Variants in PSORS1C1 observed in about 807,000 individuals in gnomAD.
The protein encoded by PSORS1C1 is psoriasis susceptibility 1 candidate gene 1 protein.
PSORS1C1 carries 7 observed loss-of-function variants against 9.4 expected under a neutral mutation model. That is an observed-to-expected ratio of 0.75 (90% CI 0.42 to 1.40). PSORS1C1 has a LOEUF of 1.40. Ranked by LOEUF, PSORS1C1 falls within the 40% of genes most tolerant of loss-of-function variation. The pLI is 0.01. For synonymous variants in PSORS1C1, 63 were observed against 69.4 expected (o/e 0.91, Z 0.46); for missense variants, 146 against 178.1 (o/e 0.82, Z 1.02).
At chr6:31,125,076 C>T (rs755988687) in intron 1 of PSORS1C1, among the ~76,000 whole-genome samples, 15 of 152,170 alleles carry the variant, frequency 9.9e-5, no homozygotes, top group Non-Finnish European at 2.1e-4. Context: ...AGTTCTAGCA[C>T]AAGTGTTTCA....
At chr6:31,120,473 T>G in intron 1 of PSORS1C1, 1 of 1,412,708 alleles carries the variant, frequency 7.1e-7, no homozygotes, top group Non-Finnish European at 9.8e-7. Context: ...CCGGGTCCTT[T>G]ATGCCAGAGC....
chr6:31,121,178 G>GGC (rs1475568927), intron 1 of PSORS1C1, among the ~76,000 whole-genome samples: 1 of 151,890 alleles, frequency 6.6e-6, no homozygotes, highest in Admixed American at 6.6e-5. Flanking sequence ...GGGGGTGGGG[G>GGC]GGTGCTGGGA....
intron 2 of PSORS1C1, among the ~76,000 whole-genome samples, chr6:31,127,848 C>T (rs553353282): frequency 2.0e-5 from 3 of 152,050 alleles, no homozygotes; most frequent in Admixed American, 6.6e-5. Flanking sequence ...CGTTTGGGAC[C>T]ATCCCTATTT....
intron 1 of PSORS1C1, chr6:31,117,519 A>T (rs1341595111): frequency 1.3e-5 from 20 of 1,550,494 alleles, no homozygotes; most frequent in Non-Finnish European, 1.6e-5. Flanking sequence ...CAATGCTCTT[A>T]GCCAAGGTCC....
chr6:31,117,128 A>G, intron 1 of PSORS1C1: 1 of 1,613,726 alleles, frequency 6.2e-7, no homozygotes, highest in Non-Finnish European at 8.5e-7. Flanking sequence ...CTGCTGCTGA[A>G]CTGAAAGCTG....
At chr6:31,134,252 A>C (rs933247478) in intron 3 of PSORS1C1, among the ~76,000 whole-genome samples, 4 of 151,652 alleles carry the variant, frequency 2.6e-5, no homozygotes, top group Admixed American at 6.6e-5. Flanking sequence ...AAGTGCTAGG[A>C]TTACAGGTGT....
rs117764398 is a variant in PSORS1C1, at chr6:31,116,946, G to A, written c.-229+2055G>A. 2,589 of 1,614,168 alleles carry A rather than the reference G, an allele frequency of 1.6e-3. 75 individuals carry two copies. The East Asian group carries it at 0.041, about 26-fold the overall frequency. On this transcript the variant is annotated intron_variant, in intron 1 of 5. Transcript: ENST00000259881. ...TGGGCCCTCCACTGCAGGGAGAGTCGGGGATGTCCGAACTACAGGGACGCT... is the reference window on the plus strand; with the variant it reads ...TGGGCCCTCCACTGCAGGGAGAGTCAGGGATGTCCGAACTACAGGGACGCT...
chr6:31,126,820 A>G (rs1364322996), intron 2 of PSORS1C1, among the ~76,000 whole-genome samples: 1 of 151,958 alleles, frequency 6.6e-6, no homozygotes, highest in Non-Finnish European at 1.5e-5. Context: ...ACTTCCCAAA[A>G]GCAGCAGGGA....
At position 31,115,826 on chromosome 6, in the gene PSORS1C1, C is replaced by T. The variant is rs1490627025; in HGVS notation, c.-229+935C>T. 5 of 586,974 alleles carry T rather than the reference C, an allele frequency of 8.5e-6. No individual in the cohort carries two copies. The highest frequency in any genetic ancestry group is 4.5e-4 in the Middle Eastern group (1 of 2,200). 36.4% of individuals were successfully genotyped at this position (586,974 alleles called of 1,614,324 possible). ...AATCAAGAGAGGAGCTTTGAATCTA[C>T]CATTTTGAGAAGAGGAAGGAGGAAG... On this transcript the variant is annotated intron_variant, in intron 1 of 5. Coordinates refer to ENST00000259881, the MANE Select transcript of PSORS1C1 (RefSeq NM_014068.3). The surrounding 1 kb of genome is among the most constrained non-coding windows in gnomAD (Gnocchi z 4.2).
At chr6:31,137,641 C>T (rs1474931104) in intron 3 of PSORS1C1, 6 of 345,436 alleles carry the variant, frequency 1.7e-5, no homozygotes, top group Non-Finnish European at 3.1e-5. Context: ...GTACCATAGC[C>T]CTGCCCCAGC....
rs777803097 is a variant in PSORS1C1 at position 31,116,261 on chromosome 6, A to G, written c.-229+1370A>G. The G allele has an allele frequency of 5.6e-6, 9 of 1,613,952 alleles. No individual in the cohort carries two copies. In the South Asian group the frequency reaches 9.9e-5, roughly 18 times the overall value. The stretch of plus-strand genomic sequence containing the variant: ...ATGCAAGGGTGACCAGAAGAGCTGG[A>G]CTTGCTGCCACAAGGCTGAAGGATG... On this transcript the variant is annotated intron_variant, in intron 1 of 5. Coordinates refer to ENST00000259881, the MANE Select transcript of PSORS1C1 (RefSeq NM_014068.3).
chr6:31,123,550 C>T (rs567902284), intron 1 of PSORS1C1, among the ~76,000 whole-genome samples: 3 of 152,212 alleles, frequency 2.0e-5, no homozygotes, highest in Admixed American at 6.5e-5. Flanking sequence ...TGCCCCTGCC[C>T]GTGCCCGTGC....
At chr6:31,117,371 T>C (rs1348087411) in intron 1 of PSORS1C1, 1 of 1,575,246 alleles carries the variant, frequency 6.3e-7, no homozygotes. Flanking sequence ...CCAGAGCTTC[T>C]GGCACTGGAA....
At chr6:31,133,045 G>T (rs1021065422) in intron 3 of PSORS1C1, among the ~76,000 whole-genome samples, 5 of 151,974 alleles carry the variant, frequency 3.3e-5, no homozygotes, top group African/African-American at 7.3e-5. Context: ...ATGTGGGAGA[G>T]AAAAATTTCC....
At chr6:31,116,726 C>T (rs1238875914) in intron 1 of PSORS1C1, 1 of 1,612,880 alleles carries the variant, frequency 6.2e-7, no homozygotes, top group South Asian at 1.1e-5. Flanking sequence ...CCCACCACCT[C>T]GTAGCCACCA....
Position 31,129,822 on chromosome 6 carries a change from C to T in PSORS1C1, c.13+177C>T, listed in dbSNP as rs994712874. Among the ~76,000 whole-genome samples the T allele has an allele frequency of 4.9e-4, 74 of 152,182 alleles. 1 individual carries two copies. Reference sequence around the variant, plus strand: ...TCCAAGGAAATAAAGGCATGGAAACCCACATAGTGCTGTGGAATTAAAGAA... The same window carrying T: ...TCCAAGGAAATAAAGGCATGGAAACTCACATAGTGCTGTGGAATTAAAGAA... On this transcript the variant is annotated intron_variant, in intron 3 of 5. Coordinates refer to ENST00000259881, the MANE Select transcript of PSORS1C1 (RefSeq NM_014068.3).
At chr6:31,122,974 G>A (rs3823405) in intron 1 of PSORS1C1, among the ~76,000 whole-genome samples, 3,844 of 152,162 alleles carry the variant, frequency 0.025, 126 homozygotes, top group African/African-American at 0.074. Flanking sequence ...AGAAGGCAGC[G>A]GAACAGTGGA....
At chr6:31,135,800 G>T (rs1773112432) in intron 3 of PSORS1C1, among the ~76,000 whole-genome samples, 1 of 152,182 alleles carries the variant, frequency 6.6e-6, no homozygotes, top group Admixed American at 6.6e-5. Context: ...ACTTTGGGAG[G>T]CCAAGATGGG....
chr6:31,133,286 G>A (rs1001009016), intron 3 of PSORS1C1, among the ~76,000 whole-genome samples: 3 of 152,148 alleles, frequency 2.0e-5, no homozygotes, highest in African/African-American at 7.2e-5. Flanking sequence ...GTTGGGGGTC[G>A]GGTGGGGTGC....
Sources: gnomAD v4.1 joint callset for allele counts (sites outside exome capture counted in the v4.1 genomes callset) on GRCh38, gnomAD v4.1.1 for gene constraint, Gnocchi (gnomAD v3.1) non-coding constraint, MANE v1.5 for transcripts, NCBI Gene and HGNC (gene_info 2026-07-23, HGNC 2026-07-21) for gene names.